The following ECH1 variants were observed in gnomAD, a reference collection of about 807,000 sequenced individuals.
The protein encoded by ECH1 is enoyl-CoA hydratase 1, also known as delta(3,5)-Delta(2,4)-dienoyl-CoA isomerase, mitochondrial.
A neutral mutation model predicts 37.0 loss-of-function variants in ECH1; 30 were observed. The ratio of observed to expected loss-of-function variants is 0.81; its 90% CI spans 0.61 to 1.10. The LOEUF (loss-of-function observed/expected upper bound fraction) is 1.10, where lower values mean the gene tolerates loss of function less well. ECH1 is among the 50% of genes least tolerant of loss of function. The pLI is 0.00. For missense variants in ECH1, 456 were observed against 441.6 expected (o/e 1.03, Z -0.29); for synonymous variants, 178 against 176.0 (o/e 1.01, Z -0.09).
chr19:38,821,946 T>C (rs1286446887), intron 3 of ECH1, among the ~76,000 whole-genome samples: 1 of 152,242 alleles, frequency 6.6e-6, no homozygotes, highest in Non-Finnish European at 1.5e-5. Flanking sequence ...CTAGTGGGGA[T>C]TTGGAGAACA....
At chr19:38,825,550 G>A (rs1373967225) in intron 3 of ECH1, among the ~76,000 whole-genome samples, 1 of 152,140 alleles carries the variant, frequency 6.6e-6, no homozygotes, top group Non-Finnish European at 1.5e-5. Context: ...ACAAAATTTG[G>A]AGGCATTATC....
intron 3 of ECH1, among the ~76,000 whole-genome samples, chr19:38,818,938 G>C (rs1971620390): frequency 2.0e-5 from 1 of 49,058 alleles, no homozygotes; most frequent in Admixed American, 1.9e-4. Flanking sequence ...TGTGTGCACT[G>C]TTCCCAACCT....
rs757497961 is a variant in ECH1, at chr19:38,816,328, GGC to G, written c.685_686del (p.Ala229ProfsTer6). ...GGGCCTCGTCAGCCATCATCTTGCG[GGC>G]GGTGAAGGCCAGCTCGTTGACCAGG... is the stretch of plus-strand genomic sequence containing the variant. ...QSLVNELAFT[A>X]RKMMADEALG... is the part of the protein sequence containing the mutation. On this transcript the variant is annotated frameshift_variant, in exon 8 of 10. Transcript: ENST00000221418. LOFTEE classifies it high-confidence loss of function. 1.2e-6 allele frequency: 2 copies of G among 1,613,738 alleles called. No individual in the cohort carries two copies.
chr19:38,824,215 A>G (rs1971705620), intron 3 of ECH1, among the ~76,000 whole-genome samples: 2 of 152,158 alleles, frequency 1.3e-5, no homozygotes, highest in Admixed American at 1.3e-4. Context: ...CAATACTAAC[A>G]GGAGAATGCT....
In ECH1 at chr19:38,815,448, G is replaced by T; in HGVS notation, c.*165C>A. 1.5e-6 allele frequency: 1 copy of T among 652,020 alleles called. No individual in the cohort carries two copies. The highest frequency in any genetic ancestry group is 2.6e-6 in the Non-Finnish European group (1 of 379,702). 40.4% of individuals were successfully genotyped at this position (652,020 alleles called of 1,614,324 possible). ...TCTTTACTTTGCTTTATTGTTTGTG[G>T]GGTGAAGATAAGGCCTTGGGCTTGA... On this transcript the variant is annotated 3_prime_UTR_variant, in exon 10 of 10. Coordinates refer to ENST00000221418, the MANE Select transcript of ECH1 (RefSeq NM_001398.3).
At chr19:38,818,075 CT>C in intron 3 of ECH1, 1 of 384,296 alleles carries the variant, frequency 2.6e-6, no homozygotes, top group Non-Finnish European at 3.6e-6. Context: ...CGAGGCTGCT[CT>C]TGAACTCCTG....
At chr19:38,821,529 C>T (rs1034366321) in intron 3 of ECH1, among the ~76,000 whole-genome samples, 2 of 152,196 alleles carry the variant, frequency 1.3e-5, no homozygotes, top group East Asian at 1.9e-4. Flanking sequence ...AGGCTGCACG[C>T]AGTGCTCTCC....
chr19:38,818,931 G>A (rs866082722), intron 3 of ECH1, among the ~76,000 whole-genome samples: 2 of 127,138 alleles, frequency 1.6e-5, no homozygotes, highest in Non-Finnish European at 3.6e-5. Context: ...GTGTGTGTGT[G>A]TGCACTGTTC....
chr19:38,825,989 T>C (rs921386213), intron 3 of ECH1, among the ~76,000 whole-genome samples: 23 of 152,318 alleles, frequency 1.5e-4, no homozygotes, highest in African/African-American at 4.3e-4. Context: ...GACTTCCTCC[T>C]GGACACTGGC....
chr19:38,819,248 G>A (rs1357007508), intron 3 of ECH1: 2 of 984,662 alleles, frequency 2.0e-6, no homozygotes, highest in East Asian at 1.1e-4. Flanking sequence ...TAAAGACCCA[G>A]AGGAGAGGGA....
chr19:38,829,051 G>A (rs891748826), intron 3 of ECH1, among the ~76,000 whole-genome samples: 35 of 151,422 alleles, frequency 2.3e-4, no homozygotes, highest in African/African-American at 7.7e-4. Context: ...TTGGGAGGCC[G>A]AGGGGGGCCG....
chr19:38,829,218 G>A (rs1194096700), intron 3 of ECH1, among the ~76,000 whole-genome samples: 1 of 149,484 alleles, frequency 6.7e-6, no homozygotes, highest in African/African-American at 2.5e-5. Context: ...CTGGGAGGTG[G>A]AGGTTGCAGT....
intron 8 of ECH1, 133 bp from the exon 9 acceptor site, chr19:38,816,140 C>A: frequency 6.8e-7 from 1 of 1,470,726 alleles, no homozygotes; most frequent in African/African-American, 1.4e-5. Context: ...GAGCAGGGGG[C>A]TGACCCCACA....
intron 3 of ECH1, among the ~76,000 whole-genome samples, chr19:38,829,345 C>T (rs1971784964): frequency 6.6e-6 from 1 of 150,414 alleles, no homozygotes; most frequent in Non-Finnish European, 1.5e-5. Flanking sequence ...TCTGTAATCC[C>T]AGCTATGCAG....
At chr19:38,821,405 G>C (rs1971659391) in intron 3 of ECH1, among the ~76,000 whole-genome samples, 1 of 152,254 alleles carries the variant, frequency 6.6e-6, no homozygotes, top group Admixed American at 6.5e-5. Flanking sequence ...CATGCTTGAG[G>C]AGCCCTTCAG....
At chr19:38,818,493 ATT>A in intron 3 of ECH1, 1 of 639,456 alleles carries the variant, frequency 1.6e-6, no homozygotes, top group Non-Finnish European at 1.9e-6. Context: ...TTTTTATTTT[ATT>A]TTTTTTATTT....
intron 3 of ECH1, among the ~76,000 whole-genome samples, chr19:38,828,500 G>A (rs1250744808): frequency 6.6e-6 from 1 of 152,156 alleles, no homozygotes; most frequent in Non-Finnish European, 1.5e-5. Flanking sequence ...CCAAAGTGCT[G>A]GGATTACAGG....
At chr19:38,820,129 C>T (rs866455834) in intron 3 of ECH1, 42 of 281,378 alleles carry the variant, frequency 1.5e-4, no homozygotes, top group African/African-American at 9.2e-4. Context: ...GGCGCGATCT[C>T]GGCTCACTGC....
chr19:38,821,557 G>T (rs369172620), intron 3 of ECH1, among the ~76,000 whole-genome samples: 58 of 152,324 alleles, frequency 3.8e-4, no homozygotes, highest in African/African-American at 1.3e-3. Flanking sequence ...GCAAGTTCCG[G>T]GTGGGTGTGA....
Sources: gnomAD v4.1 joint callset for allele counts (sites outside exome capture counted in the v4.1 genomes callset) on GRCh38, gnomAD v4.1.1 for gene constraint, MANE v1.5 for transcripts, NCBI Gene and HGNC (gene_info 2026-07-23, HGNC 2026-07-21) for gene names.